The following CREB1 variants were observed in gnomAD, a reference collection of about 807,000 sequenced individuals.
CREB1 encodes cAMP responsive element binding protein 1, also known as cyclic AMP-responsive element-binding protein 1.
Under a neutral mutation model 42.0 loss-of-function variants are expected in CREB1, and 2 were observed. That is an observed-to-expected ratio of 0.05 (90% confidence interval 0.02 to 0.15). CREB1 has a LOEUF of 0.15. CREB1 is among the 10% of genes least tolerant of loss of function. The pLI is 1.00. For synonymous variants in CREB1, 123 were observed against 139.9 expected (o/e 0.88, Z 0.85); for missense variants, 199 against 388.9 (o/e 0.51, Z 4.11).
At chr2:207,577,842 A>G (rs1449341374) in intron 7 of CREB1, 187 bp downstream of exon 7, 6 of 638,124 alleles carry the variant, frequency 9.4e-6, no homozygotes, top group African/African-American at 3.7e-5. Flanking sequence ...CTGTATGATT[A>G]TGGGTCAATC....
chr2:207,567,634 G>A (rs1170149479), intron 4 of CREB1, 71 bp downstream of exon 4: 1 of 1,031,366 alleles, frequency 9.7e-7, no homozygotes, highest in Admixed American at 1.9e-5. Flanking sequence ...AGAGATGTCA[G>A]AAGACCAGTT....
intron 1 of CREB1, among the ~76,000 whole-genome samples, chr2:207,548,700 G>A (rs2081387852): frequency 1.3e-5 from 2 of 152,066 alleles, no homozygotes; most frequent in Admixed American, 6.6e-5. Flanking sequence ...GCAGTGAGCC[G>A]AGATCACTCC....
At chr2:207,577,997 A>T (rs1478477948) in intron 7 of CREB1, 1 of 293,942 alleles carries the variant, frequency 3.4e-6, no homozygotes. Context: ...GAAGATCAAG[A>T]GTTTCATATA....
chr2:207,541,530 G>A (rs1041330091), intron 1 of CREB1, among the ~76,000 whole-genome samples: 2 of 152,054 alleles, frequency 1.3e-5, no homozygotes, highest in African/African-American at 4.8e-5. Context: ...ATACTATGTA[G>A]CCTTGGTACA....
chr2:207,582,795 A>G, intron 7 of CREB1: 1 of 286,310 alleles, frequency 3.5e-6, no homozygotes, highest in African/African-American at 2.3e-5. Flanking sequence ...CAGGCGGCTG[A>G]GGCAGAAGAA....
intron 6 of CREB1, 32 bp from the exon 7 acceptor site, chr2:207,577,473 C>G: frequency 6.2e-7 from 1 of 1,603,882 alleles, no homozygotes; most frequent in Non-Finnish European, 8.5e-7. Flanking sequence ...TGCAATGTTT[C>G]TGTCTTACAC....
At position 207,555,621 on chromosome 2, in the gene CREB1, A is replaced by G; in HGVS notation, c.-8-7A>G. ...GGTGCTTGTAACACTCTTCCATATTATTATAGGTAACTAAATGACCATGGA... is the reference window on the plus strand; with the variant it reads ...GGTGCTTGTAACACTCTTCCATATTGTTATAGGTAACTAAATGACCATGGA... On this transcript the variant is annotated splice_region_variant and splice_polypyrimidine_tract_variant and intron_variant, in intron 1 of 7. Coordinates refer to ENST00000353267, the MANE Select transcript of CREB1 (RefSeq NM_004379.5). 1.3e-6 allele frequency: 2 copies of G among 1,552,604 alleles called. No homozygotes were observed. The highest frequency in any genetic ancestry group is 1.8e-6 in the Non-Finnish European group (2 of 1,125,604).
rs1471910891 is a variant in CREB1 at position 207,604,149 on chromosome 2, G to C, written c.*7091G>C. On this transcript the variant is annotated 3_prime_UTR_variant, in exon 8 of 8. Coordinates refer to ENST00000353267, the MANE Select transcript of CREB1 (RefSeq NM_004379.5). ...AATCGGGTCACCCTGCCACGTTCAGGTGCTTGGACCTTCAGGAAAAGATTG... is the reference window on the plus strand; with the variant it reads ...AATCGGGTCACCCTGCCACGTTCAGCTGCTTGGACCTTCAGGAAAAGATTG... Among the ~76,000 whole-genome samples, 1 of 152,186 alleles carries C rather than the reference G, an allele frequency of 6.6e-6. No homozygotes were observed. Among genetic ancestry groups the C allele is most frequent in the East Asian group, 1.9e-4 (1 of 5,194 alleles).
intron 2 of CREB1, among the ~76,000 whole-genome samples, chr2:207,556,612 G>C: frequency 6.6e-6 from 1 of 152,182 alleles, no homozygotes; most frequent in Non-Finnish European, 1.5e-5. Flanking sequence ...GCCAGATACT[G>C]GATTTCCAGC....
At chr2:207,557,747 A>G (rs1016162999) in intron 2 of CREB1, among the ~76,000 whole-genome samples, 1 of 152,214 alleles carries the variant, frequency 6.6e-6, no homozygotes, top group Non-Finnish European at 1.5e-5. Flanking sequence ...GTGATTAGCT[A>G]TGGGTGATAG....
chr2:207,554,656 T>G (rs1206230989), intron 1 of CREB1, among the ~76,000 whole-genome samples: 1 of 152,206 alleles, frequency 6.6e-6, no homozygotes, highest in African/African-American at 2.4e-5. Context: ...CATCCAGTGT[T>G]ACATTACCCT....
chr2:207,568,874 T>G (rs1030244407), intron 4 of CREB1, among the ~76,000 whole-genome samples: 6 of 152,102 alleles, frequency 3.9e-5, no homozygotes, highest in African/African-American at 1.4e-4. Flanking sequence ...TTTAACACTG[T>G]ACCAAAAGTC....
chr2:207,536,141 G>C (rs944481596), intron 1 of CREB1, among the ~76,000 whole-genome samples: 7 of 152,156 alleles, frequency 4.6e-5, no homozygotes, highest in Admixed American at 3.3e-4. Context: ...TATACATGCT[G>C]TTTGTATTTA....
At position 207,602,456 on chromosome 2, in the gene CREB1, A is replaced by G. The variant is rs1445725616; in HGVS notation, c.*5398A>G. The G allele has an allele frequency of 5.0e-6, 1 of 201,388 alleles. No homozygotes were observed. The highest frequency in any genetic ancestry group is 2.3e-5 in the African/African-American group (1 of 43,486). 12.5% of individuals were successfully genotyped at this position (201,388 alleles called of 1,614,324 possible). On this transcript the variant is annotated 3_prime_UTR_variant, in exon 8 of 8. Coordinates refer to ENST00000353267, the MANE Select transcript of CREB1 (RefSeq NM_004379.5). ...TTGGAATTGTCTTTGAAAAGGATCA[A>G]AGAGTAGGAAATTCACATTTGACCT...
chr2:207,566,434 G>A (rs1264372828), intron 3 of CREB1, among the ~76,000 whole-genome samples: 1 of 152,160 alleles, frequency 6.6e-6, no homozygotes, highest in African/African-American at 2.4e-5. Flanking sequence ...CTGCTGATTA[G>A]AGAAACTTGG....
At chr2:207,551,688 T>C (rs941395867) in intron 1 of CREB1, among the ~76,000 whole-genome samples, 2 of 152,116 alleles carry the variant, frequency 1.3e-5, no homozygotes. Context: ...ATAAATGTTA[T>C]TTTATTACGT....
intron 7 of CREB1, among the ~76,000 whole-genome samples, chr2:207,590,032 G>T (rs2084669735): frequency 6.8e-6 from 1 of 147,462 alleles, no homozygotes; most frequent in Non-Finnish European, 1.5e-5. Context: ...TATATGGTTG[G>T]TAGAATTTGC....
At chr2:207,561,549 CTAGAT>C (rs1359536423) in intron 3 of CREB1, among the ~76,000 whole-genome samples, 3 of 152,160 alleles carry the variant, frequency 2.0e-5, no homozygotes, top group African/African-American at 7.2e-5. Context: ...TTCTCGGAAA[CTAGAT>C]TAGCAAGTCT....
chr2:207,593,719 C>CTT (rs5838079), intron 7 of CREB1, among the ~76,000 whole-genome samples: 5 of 102,656 alleles, frequency 4.9e-5, no homozygotes, highest in African/African-American at 1.1e-4. Flanking sequence ...TCCTCACAAA[C>CTT]TTTTTTTTTT....
Sources: allele counts gnomAD v4.1 joint callset (sites outside exome capture counted in the v4.1 genomes callset), GRCh38; gene constraint gnomAD v4.1.1; transcripts MANE v1.5; gene names NCBI Gene and HGNC (gene_info 2026-07-23, HGNC 2026-07-21).